NCF4: variants seen among roughly 807,000 people sequenced by gnomAD.
NCF4 encodes the protein neutrophil cytosolic factor 4, also known as neutrophil cytosol factor 4.
Under a neutral mutation model 41.7 loss-of-function variants are expected in NCF4, and 30 were observed. The ratio of observed to expected loss-of-function variants is 0.72; its 90% CI spans 0.54 to 0.97. The LOEUF is 0.97. Ranked by LOEUF, NCF4 falls within the 50% of genes least tolerant of loss-of-function variation. The pLI, the probability that NCF4 is intolerant of heterozygous loss-of-function variation, is 0.00. For missense variants in NCF4, 432 were observed against 460.9 expected, an observed-to-expected ratio of 0.94 and a Z score of 0.57; for synonymous variants, 195 against 175.8, an observed-to-expected ratio of 1.11 and a Z score of -0.87.
At chr22:36,871,500 C>G in intron 5 of NCF4, 152 bp from the exon 6 acceptor site, 1 of 830,890 alleles carries the variant, frequency 1.2e-6, no homozygotes, top group South Asian at 1.5e-5. Context: ...GACAAGTGTG[C>G]CCGCCCAGAG....
intron 1 of NCF4, among the ~76,000 whole-genome samples, chr22:36,861,461 G>A (rs112355982): frequency 1.5e-4 from 23 of 152,328 alleles, no homozygotes; most frequent in African/African-American, 5.1e-4. Flanking sequence ...ACGAGTGACC[G>A]GCAGTGTCTG....
chr22:36,870,140 C>T, intron 4 of NCF4: 1 of 498,170 alleles, frequency 2.0e-6, no homozygotes. Context: ...ACCATTACTG[C>T]TGTTTCTGGA....
chr22:36,862,821 G>C (rs1939808656), intron 1 of NCF4, among the ~76,000 whole-genome samples: 1 of 152,290 alleles, frequency 6.6e-6, no homozygotes, highest in African/African-American at 2.4e-5. Context: ...CTTAGGGGTG[G>C]CAAGTTCGGT....
chr22:36,873,044 A>G (rs563970507), intron 7 of NCF4, among the ~76,000 whole-genome samples: 3 of 101,102 alleles, frequency 3.0e-5, no homozygotes, highest in African/African-American at 7.6e-5. Flanking sequence ...GGAGGTGAGG[A>G]TGGAGGTGAG....
chr22:36,868,680 G>A (rs1939985788), intron 4 of NCF4, among the ~76,000 whole-genome samples: 1 of 152,106 alleles, frequency 6.6e-6, no homozygotes, highest in African/African-American at 2.4e-5. Context: ...AGGGAGGGAA[G>A]GAGGAAGAGA....
intron 9 of NCF4, among the ~76,000 whole-genome samples, chr22:36,877,081 A>T (rs962162120): frequency 6.6e-6 from 1 of 151,766 alleles, no homozygotes; most frequent in Non-Finnish European, 1.5e-5. Context: ...CCTTTAGCAC[A>T]TTTATACACG....
intron 5 of NCF4, among the ~76,000 whole-genome samples, chr22:36,871,191 G>A (rs1401936603): frequency 6.6e-6 from 1 of 152,342 alleles, no homozygotes; most frequent in South Asian, 2.1e-4. Flanking sequence ...CATCTCCCCT[G>A]TGCACACAGG....
chr22:36,874,985 C>G (rs1381521995), intron 7 of NCF4, among the ~76,000 whole-genome samples: 3 of 152,192 alleles, frequency 2.0e-5, no homozygotes, highest in African/African-American at 7.2e-5. Flanking sequence ...CATTCCCCAT[C>G]ATACTGGAAA....
intron 1 of NCF4, among the ~76,000 whole-genome samples, chr22:36,862,135 G>A (rs1477841365): frequency 6.6e-6 from 1 of 152,180 alleles, no homozygotes; most frequent in African/African-American, 2.4e-5. Flanking sequence ...CCCTGAGGAC[G>A]CAAAGCCTGG....
In NCF4 at chr22:36,867,384, C is replaced by A; in HGVS notation, c.272-8C>A. Reference sequence around the variant, plus strand: ...AGGCTCCTAGGACAGCTCTTTGTCTCTTCTCAGCCAAAGTCTACGTGGGTG... The same window carrying A: ...AGGCTCCTAGGACAGCTCTTTGTCTATTCTCAGCCAAAGTCTACGTGGGTG... On this transcript the variant is annotated splice_region_variant and splice_polypyrimidine_tract_variant and intron_variant, in intron 3 of 9. Transcript: ENST00000248899. 1.9e-6 allele frequency: 3 copies of A among 1,614,168 alleles called. No individual in the cohort carries two copies. The highest frequency in any genetic ancestry group is 1.6e-4 in the Middle Eastern group (1 of 6,062).
Position 36,877,999 on chromosome 22 carries a change from A to T in NCF4, c.*176A>T. Reference sequence around the variant, plus strand: ...TATTTACATCTGATTTAAATAAACCATTCCATCTGAAAGGGGCAGGCTGCG... The same window carrying T: ...TATTTACATCTGATTTAAATAAACCTTTCCATCTGAAAGGGGCAGGCTGCG... On this transcript the variant is annotated 3_prime_UTR_variant, in exon 10 of 10. Coordinates refer to ENST00000248899, the MANE Select transcript of NCF4 (RefSeq NM_000631.5). 1.5e-6 allele frequency: 1 copy of T among 666,078 alleles called. No homozygotes were observed. The highest frequency in any genetic ancestry group is 2.9e-5 in the Admixed American group (1 of 34,626). 41.3% of individuals were successfully genotyped at this position (666,078 alleles called of 1,614,324 possible).
At chr22:36,876,149 G>A (rs1245452997) in intron 9 of NCF4, 55 bp downstream of exon 9, 2 of 1,483,494 alleles carry the variant, frequency 1.3e-6, no homozygotes, top group South Asian at 1.3e-5. Flanking sequence ...AGAGAGCGCA[G>A]GGAGAAATGT....
At position 36,875,900 on chromosome 22, in the gene NCF4, A is replaced by G. The variant is rs1569116821; in HGVS notation, c.758+117A>G. 1.9e-6 allele frequency: 3 copies of G among 1,614,188 alleles called. No homozygotes were observed. In the Admixed American group the frequency reaches 5.0e-5, roughly 27 times the overall value. On this transcript the variant is annotated intron_variant, in intron 8 of 9. Coordinates refer to ENST00000248899, the MANE Select transcript of NCF4 (RefSeq NM_000631.5). ...CACTCCAAAGCCCCCAGTGGCTCCC[A>G]GATGAGCCACAATGCTGTAACAAGC...
chr22:36,869,828 T>A (rs1940010893), intron 4 of NCF4, among the ~76,000 whole-genome samples: 1 of 152,222 alleles, frequency 6.6e-6, no homozygotes, highest in African/African-American at 2.4e-5. Context: ...TTTCCTCAAC[T>A]ATGATATGAG....
chr22:36,868,412 T>A (rs1186135670), intron 4 of NCF4, among the ~76,000 whole-genome samples: 2 of 152,202 alleles, frequency 1.3e-5, no homozygotes, highest in Non-Finnish European at 2.9e-5. Flanking sequence ...GAGAACAGGA[T>A]GAGAAAGTGC....
In NCF4 at chr22:36,865,932, C is replaced by T. The variant is rs894066202; in HGVS notation, c.271+860C>T. Among the ~76,000 whole-genome samples the T allele has an allele frequency of 6.6e-6, 1 of 152,144 alleles. No individual in the cohort carries two copies. The highest frequency in any genetic ancestry group is 1.5e-5 in the Non-Finnish European group (1 of 68,030). Reference sequence around the variant, plus strand: ...GGAGTCTTGCCTACTCTAAGCCAGCCTCCCCTCTCAGGCTCCATCATTTTC... The same window carrying T: ...GGAGTCTTGCCTACTCTAAGCCAGCTTCCCCTCTCAGGCTCCATCATTTTC... On this transcript the variant is annotated intron_variant, in intron 3 of 9. Coordinates refer to ENST00000248899, the MANE Select transcript of NCF4 (RefSeq NM_000631.5). The surrounding 1 kb of genome is among the most constrained non-coding windows in gnomAD (Gnocchi z 4.3).
chr22:36,867,630 G>A (rs986571556), intron 4 of NCF4, among the ~76,000 whole-genome samples, 168 bp downstream of exon 4: 12 of 152,182 alleles, frequency 7.9e-5, no homozygotes, highest in Non-Finnish European at 1.0e-4. Context: ...AACAGGATGC[G>A]TCCTTAGGGT....
intron 3 of NCF4, among the ~76,000 whole-genome samples, chr22:36,866,513 C>T (rs1370832888): frequency 6.6e-6 from 1 of 152,176 alleles, no homozygotes; most frequent in Non-Finnish European, 1.5e-5. Context: ...CCTGCCTTGT[C>T]TTCTCATTCC....
chr22:36,861,082 C>G lies in NCF4; in HGVS notation c.-90C>G. 6.6e-7 allele frequency: 1 copy of G among 1,510,858 alleles called. No individual in the cohort carries two copies. The highest frequency in any genetic ancestry group is 1.2e-5 in the South Asian group (1 of 83,214). 93.6% of individuals were successfully genotyped at this position (1,510,858 alleles called of 1,614,324 possible). On this transcript the variant is annotated 5_prime_UTR_variant, in exon 1 of 10. Coordinates refer to ENST00000248899, the MANE Select transcript of NCF4 (RefSeq NM_000631.5). ...CCCAGGACCACAGGCTGAGACGAGACGCAGGGTGGCTGGAGGAAGTGAGAG... is the reference window on the plus strand; with the variant it reads ...CCCAGGACCACAGGCTGAGACGAGAGGCAGGGTGGCTGGAGGAAGTGAGAG...
Sources: gnomAD v4.1 joint callset for allele counts (sites outside exome capture counted in the v4.1 genomes callset) on GRCh38, gnomAD v4.1.1 for gene constraint, Gnocchi (gnomAD v3.1) non-coding constraint, MANE v1.5 for transcripts, NCBI Gene and HGNC (gene_info 2026-07-23, HGNC 2026-07-21) for gene names.